CNTN5: variants seen among roughly 807,000 people sequenced by gnomAD.
CNTN5 encodes contactin 5.
Under a neutral mutation model 129.1 loss-of-function variants are expected in CNTN5, and 77 were observed. That is an observed-to-expected ratio of 0.60 (90% CI 0.50 to 0.72). The LOEUF is 0.72. Among genes scored for constraint, CNTN5 ranks in the 30% least tolerant of loss-of-function variants. The pLI is 0.00. For missense variants in CNTN5, 1,478 were observed against 1,328.8 expected, an observed-to-expected ratio of 1.11 and a Z score of -1.75; for synonymous variants, 509 against 465.6, an observed-to-expected ratio of 1.09 and a Z score of -1.20.
chr11:99,891,167 T>C (rs1182029142), intron 6 of CNTN5, among the ~76,000 whole-genome samples: 4 of 152,088 alleles, frequency 2.6e-5, no homozygotes, highest in Non-Finnish European at 4.4e-5. Context: ...ATATATAAAA[T>C]TGGTTGATTA....
chr11:99,574,140 G>A (rs138574360), intron 3 of CNTN5, among the ~76,000 whole-genome samples: 9 of 152,238 alleles, frequency 5.9e-5, no homozygotes, highest in South Asian at 4.1e-4. Context: ...TCACTTATGA[G>A]TGAGAACGTG....
At chr11:99,908,156 C>T (rs189359406) in intron 6 of CNTN5, among the ~76,000 whole-genome samples, 1 of 151,802 alleles carries the variant, frequency 6.6e-6, no homozygotes, top group Admixed American at 6.6e-5. Context: ...GCAGAATAGG[C>T]AGATAGTCCA....
intron 1 of CNTN5, among the ~76,000 whole-genome samples, chr11:99,105,591 C>T (rs980278854): frequency 6.6e-6 from 1 of 152,046 alleles, no homozygotes; most frequent in Non-Finnish European, 1.5e-5. Flanking sequence ...TATTTTTTAA[C>T]CCCACTTTCT....
chr11:99,249,601 G>C (rs1358684358), intron 1 of CNTN5, among the ~76,000 whole-genome samples: 1 of 151,858 alleles, frequency 6.6e-6, no homozygotes, highest in East Asian at 1.9e-4. Context: ...CATATTCTAG[G>C]TTTTTAAAAA....
chr11:99,936,992 G>A (rs1299781549), intron 7 of CNTN5, among the ~76,000 whole-genome samples: 2 of 152,140 alleles, frequency 1.3e-5, no homozygotes, highest in Non-Finnish European at 2.9e-5. Context: ...GGATGATTAA[G>A]TGTATGTAAT....
intron 8 of CNTN5, among the ~76,000 whole-genome samples, chr11:99,974,994 TGTA>T (rs1378150762): frequency 1.3e-5 from 2 of 152,222 alleles, no homozygotes. Flanking sequence ...TCAAATAACT[TGTA>T]GTACAAATTT....
At chr11:99,073,462 T>C (rs1210201270) in intron 1 of CNTN5, among the ~76,000 whole-genome samples, 1 of 149,372 alleles carries the variant, frequency 6.7e-6, no homozygotes, top group East Asian at 2.0e-4. Flanking sequence ...ACACGTGTCA[T>C]GGTGGTTTGC....
intron 21 of CNTN5, among the ~76,000 whole-genome samples, chr11:100,310,403 T>A (rs1202450427): frequency 6.6e-6 from 1 of 151,924 alleles, no homozygotes; most frequent in African/African-American, 2.4e-5. Context: ...TTGACATCTC[T>A]CTGTGAGGTC....
chr11:99,503,334 A>C (rs1328060332), intron 2 of CNTN5, among the ~76,000 whole-genome samples: 1 of 152,186 alleles, frequency 6.6e-6, no homozygotes, highest in Non-Finnish European at 1.5e-5. Flanking sequence ...TTATTGCTAC[A>C]CAACTATGAA....
At chr11:100,226,710 T>C (rs1171350761) in intron 16 of CNTN5, among the ~76,000 whole-genome samples, 15 of 152,168 alleles carry the variant, frequency 9.9e-5, no homozygotes, top group Non-Finnish European at 4.4e-5. Context: ...CATTTCTTCC[T>C]GGTGAGTTTT....
chr11:99,328,870 C>A (rs1427802800), intron 2 of CNTN5, among the ~76,000 whole-genome samples: 17 of 87,620 alleles, frequency 1.9e-4, no homozygotes, highest in East Asian at 6.2e-4. Flanking sequence ...AACTCCATCT[C>A]AAAAAAAAAA....
intron 1 of CNTN5, among the ~76,000 whole-genome samples, chr11:99,102,013 C>G (rs1437843134): frequency 6.6e-6 from 1 of 152,136 alleles, no homozygotes; most frequent in Non-Finnish European, 1.5e-5. Flanking sequence ...CCTCTGAAAT[C>G]TAGGAGGTTC....
chr11:99,451,065 T>C (rs1018284166), intron 2 of CNTN5, among the ~76,000 whole-genome samples: 3 of 152,044 alleles, frequency 2.0e-5, no homozygotes, highest in Non-Finnish European at 4.4e-5. Context: ...TCATACCTAA[T>C]CAAAGTAGGG....
chr11:99,855,717 A>G (rs368317065), intron 6 of CNTN5, among the ~76,000 whole-genome samples: 8 of 152,312 alleles, frequency 5.3e-5, no homozygotes, highest in South Asian at 4.1e-4. Context: ...ATATTCTGCC[A>G]TATGGAATAT....
intron 3 of CNTN5, among the ~76,000 whole-genome samples, chr11:99,817,242 C>A (rs968333664): frequency 6.6e-6 from 1 of 152,180 alleles, no homozygotes; most frequent in Admixed American, 6.6e-5. Context: ...ATGAATGAAT[C>A]AATTGCCACA....
intron 3 of CNTN5, among the ~76,000 whole-genome samples, chr11:99,818,037 C>G (rs900397106): frequency 7.2e-5 from 11 of 152,058 alleles, no homozygotes; most frequent in Non-Finnish European, 1.6e-4. Context: ...CTTCACAGAA[C>G]AGAAAATATT....
chr11:100,210,196 C>CA (rs1949000456), intron 15 of CNTN5, among the ~76,000 whole-genome samples: 1 of 134,408 alleles, frequency 7.4e-6, no homozygotes. Context: ...AAAAAAAATA[C>CA]AAAAAATTAT....
chr11:99,916,730 C>T (rs998960513), intron 7 of CNTN5, among the ~76,000 whole-genome samples: 2 of 152,154 alleles, frequency 1.3e-5, no homozygotes, highest in African/African-American at 2.4e-5. Flanking sequence ...ATTAATTATA[C>T]GTCCTTTTGC....
intron 7 of CNTN5, among the ~76,000 whole-genome samples, chr11:99,951,282 C>A (rs1172757729): frequency 7.0e-6 from 1 of 143,000 alleles, no homozygotes; most frequent in Non-Finnish European, 1.6e-5. Context: ...AAAAAAAAAA[C>A]ATGAAAAGTA....
Sources: allele counts gnomAD v4.1 joint callset (sites outside exome capture counted in the v4.1 genomes callset), GRCh38; gene constraint gnomAD v4.1.1; transcripts MANE v1.5; gene names NCBI Gene and HGNC (gene_info 2026-07-23, HGNC 2026-07-21).